SLC6A2: variants seen among roughly 807,000 people sequenced by gnomAD.
The protein encoded by SLC6A2 is sodium-dependent noradrenaline transporter.
In SLC6A2, 26 loss-of-function variants were observed where a neutral mutation model predicts 71.7. That is an observed-to-expected ratio of 0.36 (90% confidence interval 0.27 to 0.50). SLC6A2 has a LOEUF of 0.50. Among genes scored for constraint, SLC6A2 ranks in the 20% least tolerant of loss-of-function variants. SLC6A2 has a pLI of 0.96. For missense variants in SLC6A2, 581 were observed against 803.9 expected, an observed-to-expected ratio of 0.72 and a Z score of 3.35; for synonymous variants, 363 against 337.9, an observed-to-expected ratio of 1.07 and a Z score of -0.82.
intron 4 of SLC6A2, among the ~76,000 whole-genome samples, chr16:55,673,168 A>G (rs2142518935): frequency 6.6e-6 from 1 of 152,296 alleles, no homozygotes; most frequent in East Asian, 1.9e-4. Flanking sequence ...ACTTTGTGAA[A>G]TATTGATTTG....
At position 55,663,452 on chromosome 16, in the gene SLC6A2, A is replaced by G. The variant is rs556512992; in HGVS notation, c.275-6113A>G. Among the ~76,000 whole-genome samples the G allele has an allele frequency of 9.2e-5, 14 of 152,258 alleles. No individual in the cohort carries two copies. The South Asian group carries it at 2.9e-3, about 32-fold the overall frequency. On this transcript the variant is annotated intron_variant, in intron 2 of 14. Coordinates refer to ENST00000568943, the MANE Select transcript of SLC6A2 (RefSeq NM_001172501.3). ...GCAGCCAGAGGCCCCCACCAGATACAGCTGCCCAACCTTGAACTTTCCAGT... is the reference window on the plus strand; with the variant it reads ...GCAGCCAGAGGCCCCCACCAGATACGGCTGCCCAACCTTGAACTTTCCAGT...
At chr16:55,669,958 T>C (rs1342419092) in intron 3 of SLC6A2, among the ~76,000 whole-genome samples, 1 of 152,180 alleles carries the variant, frequency 6.6e-6, no homozygotes, top group Non-Finnish European at 1.5e-5. Flanking sequence ...ATTTCCTGTA[T>C]GGGAAATTTT....
chr16:55,697,799 A>C (rs537533792), intron 9 of SLC6A2, 98 bp from the exon 10 acceptor site: 1 of 1,296,124 alleles, frequency 7.7e-7, no homozygotes, highest in East Asian at 2.4e-5. Context: ...AGCCTACATG[A>C]GTCCTGGGCT....
At chr16:55,693,462 C>T (rs116146615) in intron 6 of SLC6A2, among the ~76,000 whole-genome samples, 1,716 of 152,228 alleles carry the variant, frequency 0.011, 29 homozygotes, top group African/African-American at 0.039. Context: ...GAGAAGTGAA[C>T]TTGACCAGGG....
intron 4 of SLC6A2, among the ~76,000 whole-genome samples, chr16:55,683,127 T>C (rs1251182473): frequency 6.6e-6 from 1 of 152,202 alleles, no homozygotes; most frequent in East Asian, 1.9e-4. Context: ...AACCCTTCTC[T>C]CCTGGGACTT....
At position 55,704,950 on chromosome 16, in the gene SLC6A2, T is replaced by C. The variant is rs1966071740; in HGVS notation, c.*2604T>C. 1 of 317,546 alleles carries C rather than the reference T, an allele frequency of 3.1e-6. No individual in the cohort carries two copies. The highest frequency in any genetic ancestry group is 8.6e-5 in the South Asian group (1 of 11,614). The allele number at this position is 317,546 out of a possible 1,614,324, so 19.7% of individuals were successfully genotyped here. A position where few individuals can be genotyped will look rare whatever the true frequency, so the allele number is the denominator to read the frequency against. On this transcript the variant is annotated 3_prime_UTR_variant, in exon 15 of 15. Transcript: ENST00000568943. Reference sequence around the variant, plus strand: ...TGCTTGGAGATCATTTGGGTTTACCTTTCCACCCACATTTAATGGAGAGAG... The same window carrying C: ...TGCTTGGAGATCATTTGGGTTTACCCTTCCACCCACATTTAATGGAGAGAG...
chr16:55,686,605 G>T (rs767734635), intron 5 of SLC6A2, among the ~76,000 whole-genome samples: 131 of 152,270 alleles, frequency 8.6e-4, no homozygotes, highest in Admixed American at 2.0e-3. Flanking sequence ...TTTGGAAAGG[G>T]GGGGTGCACC....
rs374606532 is a variant in SLC6A2 at position 55,702,403 on chromosome 16, G to T, written c.*57G>T. ...GCCAATGTCCAGGTCACAGGCATCC[G>T]CTGCGCTCCCACCTCGGACACCATC... On this transcript the variant is annotated 3_prime_UTR_variant, in exon 15 of 15. Transcript: ENST00000568943. The T allele has an allele frequency of 1.2e-6, 2 of 1,613,968 alleles. No homozygotes were observed. The highest frequency in any genetic ancestry group is 1.1e-5 in the South Asian group (1 of 91,080).
At chr16:55,672,995 T>C (rs116470556) in intron 4 of SLC6A2, among the ~76,000 whole-genome samples, 21 of 152,350 alleles carry the variant, frequency 1.4e-4, no homozygotes, top group African/African-American at 4.8e-4. Context: ...AAAATTAACA[T>C]TGATACACTG....
At chr16:55,692,112 G>A (rs2142585470) in intron 6 of SLC6A2, 60 bp downstream of exon 6, 2 of 1,592,494 alleles carry the variant, frequency 1.3e-6, no homozygotes, top group East Asian at 4.5e-5. Flanking sequence ...TTCAGGAGAA[G>A]GTGATGATGG....
intron 5 of SLC6A2, among the ~76,000 whole-genome samples, chr16:55,689,156 A>T (rs143341150): frequency 6.6e-6 from 1 of 152,196 alleles, no homozygotes; most frequent in South Asian, 2.1e-4. Context: ...ACAGAGCCCA[A>T]GCCTTTCTTC....
intron 2 of SLC6A2, among the ~76,000 whole-genome samples, chr16:55,660,371 T>C (rs17307096): frequency 0.64 from 97,326 of 152,070 alleles, 31,370 homozygotes; most frequent in Non-Finnish European, 0.67. Flanking sequence ...CAGTTGGTGT[T>C]AGGGAGCAGT....
At chr16:55,700,737 T>A (rs1295482890) in intron 13 of SLC6A2, among the ~76,000 whole-genome samples, 1 of 152,202 alleles carries the variant, frequency 6.6e-6, no homozygotes, top group African/African-American at 2.4e-5. Flanking sequence ...CACCTGCCTC[T>A]TTCCAGAACC....
intron 12 of SLC6A2, among the ~76,000 whole-genome samples, chr16:55,699,858 G>A (rs1381555150): frequency 6.6e-6 from 1 of 152,070 alleles, no homozygotes; most frequent in South Asian, 2.1e-4. Flanking sequence ...CTGGGGCCAG[G>A]TCCCCGGGGG....
intron 6 of SLC6A2, among the ~76,000 whole-genome samples, chr16:55,693,306 G>T (rs1965694274): frequency 6.6e-6 from 1 of 152,068 alleles, no homozygotes; most frequent in Admixed American, 6.5e-5. Flanking sequence ...GGGAGTGGAG[G>T]TTGCAGTGAG....
In SLC6A2 at chr16:55,672,696, C is replaced by G. The variant is rs1964960997; in HGVS notation, c.644+521C>G. 5.3e-5 allele frequency among the ~76,000 whole-genome samples: 8 copies of G among 152,176 alleles called. No individual in the cohort carries two copies. In the South Asian group the frequency reaches 1.7e-3, roughly 32 times the overall value. ...CCCTGAAGCTGTAGTCTGACTCACC[C>G]TGGGCTGCTGTCCTTCTGGAGTTCC... On this transcript the variant is annotated intron_variant, in intron 4 of 14. Coordinates refer to ENST00000568943, the MANE Select transcript of SLC6A2 (RefSeq NM_001172501.3).
At chr16:55,701,595 A>G (rs192714579) in intron 13 of SLC6A2, among the ~76,000 whole-genome samples, 39 of 152,228 alleles carry the variant, frequency 2.6e-4, no homozygotes, top group African/African-American at 9.1e-4. Flanking sequence ...CAAAGTAGAG[A>G]CTGTGTGGGT....
chr16:55,695,444 G>T, intron 8 of SLC6A2, 42 bp downstream of exon 8: 3 of 1,611,276 alleles, frequency 1.9e-6, no homozygotes, highest in Non-Finnish European at 2.5e-6. Context: ...ACTGAGGCGG[G>T]AGCTGAGAAG....
rs1268799204 is a variant in SLC6A2 at position 55,693,923 on chromosome 16, C to G, written c.919-87C>G. 1.3e-5 allele frequency: 12 copies of G among 904,196 alleles called. No individual in the cohort carries two copies. In the African/African-American group the frequency reaches 1.6e-4, roughly 12 times the overall value. The allele number at this position is 904,196 out of a possible 1,614,324, so 56.0% of individuals were successfully genotyped here. ...ATGTTTCCTCTGGTCTCAGAGCATC[C>G]CCAGGGTTTCTCAGCCCTTCCGGAC... is the stretch of plus-strand genomic sequence containing the variant. On this transcript the variant is annotated intron_variant, in intron 6 of 14. Transcript: ENST00000568943.
Sources: gnomAD v4.1 joint callset for allele counts (sites outside exome capture counted in the v4.1 genomes callset) on GRCh38, gnomAD v4.1.1 for gene constraint, MANE v1.5 for transcripts, NCBI Gene and HGNC (gene_info 2026-07-23, HGNC 2026-07-21) for gene names.